The following ST3GAL3 variants were observed in gnomAD, a reference collection of about 807,000 sequenced individuals.
The protein encoded by ST3GAL3 is CMP-N-acetylneuraminate-beta-1,4-galactoside alpha-2,3-sialyltransferase.
In ST3GAL3, 21 loss-of-function variants were observed where a neutral mutation model predicts 50.1. The observed-to-expected ratio is 0.42, with a 90% CI of 0.30 to 0.60. The LOEUF (loss-of-function observed/expected upper bound fraction) is 0.60. ST3GAL3 is among the 20% of genes least tolerant of loss of function. The probability of loss-of-function intolerance (pLI) is 0.19; values close to 1 mark genes in which losing one functional copy is unlikely to be tolerated. For missense variants in ST3GAL3, 353 were observed against 489.4 expected (o/e 0.72, Z 2.63); for synonymous variants, 183 against 190.0 (o/e 0.96, Z 0.30).
intron 5 of ST3GAL3, among the ~76,000 whole-genome samples, chr1:43,851,826 C>A (rs2067368561): frequency 6.6e-6 from 1 of 152,202 alleles, no homozygotes; most frequent in Non-Finnish European, 1.5e-5. Flanking sequence ...CCCAGACCCG[C>A]TGACCCAATG....
At chr1:43,798,497 T>C (rs992654784) in intron 3 of ST3GAL3, among the ~76,000 whole-genome samples, 2 of 152,186 alleles carry the variant, frequency 1.3e-5, no homozygotes, top group Non-Finnish European at 2.9e-5. Flanking sequence ...TGTGGCTCCT[T>C]GAGGATGTCA....
intron 11 of ST3GAL3, among the ~76,000 whole-genome samples, chr1:43,928,290 C>T (rs2084376454): frequency 6.6e-6 from 1 of 152,192 alleles, no homozygotes; most frequent in African/African-American, 2.4e-5. Context: ...CTTCTCAGCA[C>T]CACTAAATAG....
At chr1:43,924,663 A>G (rs566786096) in intron 11 of ST3GAL3, among the ~76,000 whole-genome samples, 1 of 152,282 alleles carries the variant, frequency 6.6e-6, no homozygotes, top group Non-Finnish European at 1.5e-5. Context: ...TAACTCCTGA[A>G]CCAGATCTTT....
intron 1 of ST3GAL3, among the ~76,000 whole-genome samples, chr1:43,725,982 G>A (rs973980986): frequency 6.6e-6 from 1 of 152,082 alleles, no homozygotes; most frequent in Non-Finnish European, 1.5e-5. Flanking sequence ...GATACCAAAA[G>A]CATTTCTCTA....
At chr1:43,802,537 A>C (rs2059430613) in intron 3 of ST3GAL3, among the ~76,000 whole-genome samples, 1 of 152,236 alleles carries the variant, frequency 6.6e-6, no homozygotes, top group South Asian at 2.1e-4. Context: ...CAATGCACAT[A>C]AGCAGCGATA....
chr1:43,781,123 T>C (rs931212089), intron 2 of ST3GAL3, among the ~76,000 whole-genome samples: 1 of 152,186 alleles, frequency 6.6e-6, no homozygotes, highest in Non-Finnish European at 1.5e-5. Context: ...TCCACTTGTC[T>C]ACTTGGTTTC....
intron 4 of ST3GAL3, among the ~76,000 whole-genome samples, chr1:43,832,192 A>G (rs1403044182): frequency 1.3e-5 from 2 of 152,208 alleles, no homozygotes; most frequent in African/African-American, 4.8e-5. Context: ...AGAGGAAATA[A>G]ATTACAAGGC....
chr1:43,849,728 A>G (rs2066924985), intron 5 of ST3GAL3, among the ~76,000 whole-genome samples: 1 of 152,180 alleles, frequency 6.6e-6, no homozygotes, highest in African/African-American at 2.4e-5. Context: ...CCATACTTTG[A>G]ACTACTGACA....
Position 43,725,360 on chromosome 1 carries a change from C to T in ST3GAL3, c.-30-10873C>T, listed in dbSNP as rs112328513. 2.6e-5 allele frequency among the ~76,000 whole-genome samples: 4 copies of T among 152,160 alleles called. 1 individual carries two copies. Among genetic ancestry groups the T allele is most frequent in the East Asian group, 3.9e-4 (2 of 5,162 alleles). The stretch of plus-strand genomic sequence containing the variant: ...CTGGGATTATAGGCATGCACCATCA[C>T]GCCCAGCTAATTTTGTATTTTTAGT... On this transcript the variant is annotated intron_variant, in intron 1 of 11. Transcript: ENST00000347631.
At chr1:43,918,410 G>A (rs1043047332) in intron 9 of ST3GAL3, among the ~76,000 whole-genome samples, 2 of 152,030 alleles carry the variant, frequency 1.3e-5, no homozygotes, top group Admixed American at 6.5e-5. Context: ...GAGCCACCAC[G>A]CCCAGCCTAG....
At position 43,717,371 on chromosome 1, in the gene ST3GAL3, C is replaced by G. The variant is rs76632500; in HGVS notation, c.-31+9678C>G. Among the ~76,000 whole-genome samples the G allele has an allele frequency of 7.2e-3, 1,094 of 152,232 alleles. 9 individuals are homozygous for G. The highest frequency in any genetic ancestry group is 0.025 in the African/African-American group (1,037 of 41,536). On this transcript the variant is annotated intron_variant, in intron 1 of 11. Coordinates refer to ENST00000347631, the MANE Select transcript of ST3GAL3 (RefSeq NM_006279.5). ...CATAGTTTTTCTAAAATATGTCTTT[C>G]CTTTCTGAAAAAATACATGAGCAGA... is the stretch of plus-strand genomic sequence containing the variant.
At chr1:43,813,951 A>G (rs1290701710) in intron 3 of ST3GAL3, among the ~76,000 whole-genome samples, 1 of 151,978 alleles carries the variant, frequency 6.6e-6, no homozygotes, top group Non-Finnish European at 1.5e-5. Flanking sequence ...TATGGAGCAG[A>G]GCCATAAGAA....
At chr1:43,869,860 A>G (rs555495419) in intron 5 of ST3GAL3, among the ~76,000 whole-genome samples, 1 of 152,378 alleles carries the variant, frequency 6.6e-6, no homozygotes, top group South Asian at 2.1e-4. Flanking sequence ...AGATAAGCCT[A>G]ACGCAGAAAC....
intron 5 of ST3GAL3, chr1:43,850,679 A>G (rs1232655752): frequency 5.5e-6 from 4 of 726,572 alleles, no homozygotes; most frequent in Non-Finnish European, 1.0e-5. Flanking sequence ...CGAGGATCAA[A>G]TGTTTATCAG....
chr1:43,810,785 C>A (rs990992921), intron 3 of ST3GAL3, among the ~76,000 whole-genome samples: 1 of 152,106 alleles, frequency 6.6e-6, no homozygotes, highest in Non-Finnish European at 1.5e-5. Context: ...TTGCCAGTGG[C>A]AAAGCAGAAG....
intron 1 of ST3GAL3, among the ~76,000 whole-genome samples, chr1:43,727,735 C>G (rs1453321894): frequency 6.6e-6 from 1 of 152,236 alleles, no homozygotes; most frequent in Non-Finnish European, 1.5e-5. Flanking sequence ...TCTTTAGCCT[C>G]ATCCCTTCCC....
chr1:43,856,436 C>T (rs1250489506), intron 5 of ST3GAL3, among the ~76,000 whole-genome samples: 3 of 152,168 alleles, frequency 2.0e-5, no homozygotes, highest in African/African-American at 7.2e-5. Flanking sequence ...CCCACCCTGT[C>T]CTGAATCGAG....
intron 5 of ST3GAL3, chr1:43,839,532 A>T (rs1051931212): frequency 3.3e-5 from 5 of 152,232 alleles, no homozygotes; most frequent in African/African-American, 9.6e-5. Flanking sequence ...AAAAAACCTC[A>T]AACAGTACAA....
chr1:43,911,337 T>C (rs1460234743), intron 9 of ST3GAL3: 11 of 150,924 alleles, frequency 7.3e-5, no homozygotes, highest in Non-Finnish European at 4.4e-5. Flanking sequence ...TTTTTTTTTT[T>C]TGTAGAGATG....
Sources: allele counts gnomAD v4.1 joint callset (sites outside exome capture counted in the v4.1 genomes callset), GRCh38; gene constraint gnomAD v4.1.1; transcripts MANE v1.5; gene names NCBI Gene and HGNC (gene_info 2026-07-23, HGNC 2026-07-21).